Variants in SPIDR observed in about 807,000 individuals in gnomAD.
SPIDR encodes the protein DNA repair-scaffolding protein.
A neutral mutation model predicts 104.6 loss-of-function variants in SPIDR; 93 were observed. The observed-to-expected ratio is 0.89, with a 90% CI of 0.75 to 1.06. The LOEUF (loss-of-function observed/expected upper bound fraction) is 1.06, where lower values mean the gene tolerates loss of function less well. SPIDR is among the 50% of genes least tolerant of loss of function. SPIDR has a pLI of 0.00. For synonymous variants in SPIDR, 431 were observed against 416.9 expected (o/e 1.03, Z -0.41); for missense variants, 1,154 against 1,111.2 (o/e 1.04, Z -0.55).
chr8:47,306,480 G>GT (rs2043117263), intron 5 of SPIDR, among the ~76,000 whole-genome samples: 1 of 152,020 alleles, frequency 6.6e-6, no homozygotes, highest in South Asian at 2.1e-4. Context: ...ATATTCCATT[G>GT]TATGTTTATA....
intron 8 of SPIDR, among the ~76,000 whole-genome samples, chr8:47,579,888 T>A (rs562968072): frequency 6.6e-6 from 1 of 152,210 alleles, no homozygotes; most frequent in Non-Finnish European, 1.5e-5. Flanking sequence ...GGGAGTCCTG[T>A]CCTCCCTCCT....
At chr8:47,673,072 C>T (rs1260372252) in intron 10 of SPIDR, among the ~76,000 whole-genome samples, 2 of 152,140 alleles carry the variant, frequency 1.3e-5, no homozygotes, top group Non-Finnish European at 2.9e-5. Flanking sequence ...ACTATAATTT[C>T]TTCAGGCTCC....
intron 8 of SPIDR, among the ~76,000 whole-genome samples, chr8:47,580,029 T>C (rs373476473): frequency 5.3e-5 from 8 of 152,252 alleles, no homozygotes; most frequent in African/African-American, 1.9e-4. Flanking sequence ...CCTCCGAAGA[T>C]GGGAATAGTC....
intron 8 of SPIDR, among the ~76,000 whole-genome samples, chr8:47,455,167 A>G (rs2072712163): frequency 6.6e-6 from 1 of 152,128 alleles, no homozygotes; most frequent in Non-Finnish European, 1.5e-5. Context: ...GCATTTAATA[A>G]TACTTACAAA....
chr8:47,425,677 T>C (rs1440659268), intron 7 of SPIDR, among the ~76,000 whole-genome samples: 2 of 152,222 alleles, frequency 1.3e-5, no homozygotes, highest in African/African-American at 4.8e-5. Context: ...AAAATTATTA[T>C]ATTTGAAAGA....
chr8:47,323,828 A>G (rs1449779666), intron 5 of SPIDR, among the ~76,000 whole-genome samples: 4 of 152,158 alleles, frequency 2.6e-5, no homozygotes, highest in Non-Finnish European at 4.4e-5. Flanking sequence ...CTGAGTGACT[A>G]CAGAACCCAT....
intron 10 of SPIDR, among the ~76,000 whole-genome samples, chr8:47,665,832 A>G (rs1477843771): frequency 6.6e-6 from 1 of 152,212 alleles, no homozygotes. Flanking sequence ...GTTAAAATAC[A>G]TTTCAGAGAA....
At chr8:47,680,809 C>G (rs1167988758) in intron 11 of SPIDR, among the ~76,000 whole-genome samples, 1 of 152,198 alleles carries the variant, frequency 6.6e-6, no homozygotes, top group East Asian at 1.9e-4. Context: ...TAAAGTACCA[C>G]TTAAGATAGA....
At chr8:47,617,718 G>GA in intron 10 of SPIDR, among the ~76,000 whole-genome samples, 1 of 152,258 alleles carries the variant, frequency 6.6e-6, no homozygotes, top group South Asian at 2.1e-4. Context: ...ACAAAAGAGA[G>GA]AAAAAACAGC....
At chr8:47,523,322 A>G (rs1043618263) in intron 8 of SPIDR, among the ~76,000 whole-genome samples, 4 of 152,160 alleles carry the variant, frequency 2.6e-5, no homozygotes, top group Non-Finnish European at 5.9e-5. Flanking sequence ...ATATTACCCA[A>G]AGGTCATTTC....
At chr8:47,440,667 T>C (rs1365175729) in intron 8 of SPIDR, 125 bp downstream of exon 8, 7 of 946,530 alleles carry the variant, frequency 7.4e-6, no homozygotes, top group East Asian at 5.3e-5. Context: ...AGAGCCAGGA[T>C]TGGACGTGGG....
At position 47,599,057 on chromosome 8, in the gene SPIDR, G is replaced by T. The variant is rs754562834; in HGVS notation, c.1405G>T (p.Val469Leu). ...TPLRDSLLDVVESQGAASWPG... is the reference protein window; with the variant it reads ...TPLRDSLLDVLESQGAASWPG... ...CCTGAGGGATTCTCTCCTGGATGTG[G>T]TGGAAAGCCAGGGAGCTGCCTCGTG... Residue 469 changes from valine (V) to leucine (L), a missense_variant, in exon 10 of 20, where the codon GTG (valine) becomes TTG (leucine). Val to Leu is a conservative substitution (Grantham distance 32). Transcript: ENST00000297423. The T allele has an allele frequency of 5.0e-6, 8 of 1,612,864 alleles. No homozygotes were observed. The Admixed American group carries it at 1.2e-4, about 24-fold the overall frequency.
In SPIDR at chr8:47,599,658, T is replaced by G. The variant is rs182855863; in HGVS notation, c.1544+462T>G. On this transcript the variant is annotated intron_variant, in intron 10 of 19. Transcript: ENST00000297423. ...TGCCTAATACAACTTTCTGCAATGATGTAAATGTCGTCTGTCTGCACCATC... is the reference window on the plus strand; with the variant it reads ...TGCCTAATACAACTTTCTGCAATGAGGTAAATGTCGTCTGTCTGCACCATC... Among the ~76,000 whole-genome samples the G allele has an allele frequency of 4.6e-5, 7 of 152,290 alleles. No individual in the cohort carries two copies. The East Asian group carries it at 1.4e-3, about 29-fold the overall frequency.
chr8:47,361,072 C>A, intron 5 of SPIDR: 1 of 772,360 alleles, frequency 1.3e-6, no homozygotes, highest in Non-Finnish European at 1.6e-6. Flanking sequence ...ATTACATGAC[C>A]ACAGTTACTT....
At chr8:47,394,461 G>C (rs1554656376) in intron 5 of SPIDR, among the ~76,000 whole-genome samples, 1 of 152,178 alleles carries the variant, frequency 6.6e-6, no homozygotes, top group Non-Finnish European at 1.5e-5. Flanking sequence ...CTCAACTGGG[G>C]GTGATTTTGC....
At chr8:47,375,344 C>G (rs1225938504) in intron 5 of SPIDR, among the ~76,000 whole-genome samples, 1 of 143,000 alleles carries the variant, frequency 7.0e-6, no homozygotes, top group African/African-American at 2.6e-5. Context: ...CAGCTTCAAG[C>G]AGTTCTCCTG....
chr8:47,467,957 C>T (rs1554718632), intron 8 of SPIDR, among the ~76,000 whole-genome samples: 1 of 152,052 alleles, frequency 6.6e-6, no homozygotes, highest in Non-Finnish European at 1.5e-5. Context: ...TCTAGAAAAC[C>T]CCATAGTCTT....
At chr8:47,535,106 A>C (rs1247680043) in intron 8 of SPIDR, among the ~76,000 whole-genome samples, 1 of 152,184 alleles carries the variant, frequency 6.6e-6, no homozygotes, top group African/African-American at 2.4e-5. Flanking sequence ...AGAAACAGAT[A>C]ATCTGAATAG....
intron 6 of SPIDR, among the ~76,000 whole-genome samples, chr8:47,398,300 C>T (rs1044440676): frequency 6.6e-6 from 1 of 152,144 alleles, no homozygotes; most frequent in African/African-American, 2.4e-5. Context: ...ACTGTTCATG[C>T]ACAGGAGCAA....
Sources: allele counts gnomAD v4.1 joint callset (sites outside exome capture counted in the v4.1 genomes callset), GRCh38; gene constraint gnomAD v4.1.1; transcripts MANE v1.5; gene names NCBI Gene and HGNC (gene_info 2026-07-23, HGNC 2026-07-21).